Variants in MYOM1 observed in about 807,000 individuals in gnomAD.
MYOM1 encodes the protein myomesin 1.
Under a neutral mutation model 205.3 loss-of-function variants are expected in MYOM1, and 164 were observed. The ratio of observed to expected loss-of-function variants is 0.80; its 90% CI spans 0.70 to 0.91. MYOM1 has a LOEUF of 0.91. Ranked by LOEUF, MYOM1 falls within the 40% of genes least tolerant of loss-of-function variation. The pLI, the probability that MYOM1 is intolerant of heterozygous loss-of-function variation, is 0.00. For synonymous variants in MYOM1, 772 were observed against 789.4 expected, an observed-to-expected ratio of 0.98 and a Z score of 0.37; for missense variants, 2,011 against 2,127.3, an observed-to-expected ratio of 0.95 and a Z score of 1.08.
chr18:3,216,648 G>A (rs2081270769), intron 1 of MYOM1, among the ~76,000 whole-genome samples: 1 of 152,200 alleles, frequency 6.6e-6, no homozygotes, highest in South Asian at 2.1e-4. Flanking sequence ...TGATGTCAAA[G>A]AGGTGAGCTA....
At chr18:3,104,745 CT>C (rs745369627) in intron 22 of MYOM1, among the ~76,000 whole-genome samples, 19 of 80,596 alleles carry the variant, frequency 2.4e-4, no homozygotes, top group East Asian at 1.8e-3. Context: ...GAATTGGAAT[CT>C]TTTTTTTTTT....
At chr18:3,217,483 G>A (rs2081283545) in intron 1 of MYOM1, among the ~76,000 whole-genome samples, 1 of 152,196 alleles carries the variant, frequency 6.6e-6, no homozygotes, top group South Asian at 2.1e-4. Flanking sequence ...CTCTACATCT[G>A]AGATGCCTGT....
In MYOM1 at chr18:3,142,058, T is replaced by C. The variant is rs773535628; in HGVS notation, c.1906A>G (p.Ile636Val). Reference sequence around the variant, plus strand: ...AGGTCTGTCGGGGGGCCAGGCACAATACCCTCTGAAAAACAACAAGGAAAA... The same window carrying C: ...AGGTCTGTCGGGGGGCCAGGCACAACACCCTCTGAAAAACAACAAGGAAAA... ...IVTEEEPSEG[I>V]VPGPPTDLSV... The change falls in exon 14 of 38, where the codon ATT (isoleucine) becomes GTT (valine). Residue 636 changes from isoleucine (I) to valine (V), a missense_variant. Transcript: ENST00000356443. 6.2e-7 allele frequency: 1 copy of C among 1,613,066 alleles called. No individual in the cohort carries two copies. The highest frequency in any genetic ancestry group is 8.5e-7 in the Non-Finnish European group (1 of 1,179,440).
intron 3 of MYOM1, among the ~76,000 whole-genome samples, chr18:3,192,190 A>G (rs2080920278): frequency 6.6e-6 from 1 of 152,116 alleles, no homozygotes; most frequent in African/African-American, 2.4e-5. Context: ...GATTTTTTGA[A>G]ACAGAGTGGG....
In MYOM1 at chr18:3,115,690, C is replaced by T. The variant is rs575180376; in HGVS notation, c.3303+641G>A. On this transcript the variant is annotated intron_variant, in intron 21 of 37. Transcript: ENST00000356443. ...CTAACACTAGCGGAAAATATTCTTT[C>T]GAAATTTCCTTTTGCTACAAATGAG... Among the ~76,000 whole-genome samples, 9 of 152,284 alleles carry T rather than the reference C, an allele frequency of 5.9e-5. No homozygotes were observed. The East Asian group carries it at 1.4e-3, about 23-fold the overall frequency.
At chr18:3,089,648 C>A in intron 27 of MYOM1, 52 bp from the exon 28 acceptor site, 1 of 1,426,882 alleles carries the variant, frequency 7.0e-7, no homozygotes. Context: ...GGTATAAATG[C>A]ACATGTCAGC....
chr18:3,099,747 A>T (rs766635983), intron 25 of MYOM1, among the ~76,000 whole-genome samples: 13 of 152,186 alleles, frequency 8.5e-5, no homozygotes, highest in Non-Finnish European at 1.8e-4. Context: ...TATTGTCTTT[A>T]TTTAGAGGTA....
At position 3,168,872 on chromosome 18, in the gene MYOM1, AAC is replaced by A. The variant is rs751531433; in HGVS notation, c.1282_1283del (p.Val428CysfsTer5). 2 of 1,613,936 alleles carry A rather than the reference AAC, an allele frequency of 1.2e-6. No homozygotes were observed. Among genetic ancestry groups the A allele is most frequent in the South Asian group, 2.2e-5 (2 of 91,078 alleles). On this transcript the variant is annotated frameshift_variant, in exon 9 of 38. Coordinates refer to ENST00000356443, the MANE Select transcript of MYOM1 (RefSeq NM_003803.4). LOFTEE classifies it high-confidence loss of function. ...AATGTTTAATTTCAGGAGTGATGAC[AAC>A]ACGACAGCCTAGACTCATTGTCTCT... ...EGETMSLGCR[V>X]VITPEIKHFQ...
intron 19 of MYOM1, among the ~76,000 whole-genome samples, chr18:3,122,342 C>G (rs1251518296): frequency 6.6e-6 from 1 of 152,034 alleles, no homozygotes; most frequent in African/African-American, 2.4e-5. Context: ...ACATACCATG[C>G]AAAAGTCACC....
rs1457154292 is a variant in MYOM1 at position 3,094,314 on chromosome 18, AAG to A, written c.3728-10_3728-9del. The A allele has an allele frequency of 6.8e-6, 11 of 1,606,734 alleles. No individual in the cohort carries two copies. The highest frequency in any genetic ancestry group is 7.6e-6 in the Non-Finnish European group (9 of 1,176,556). On this transcript the variant is annotated splice_polypyrimidine_tract_variant and intron_variant, in intron 25 of 37. Transcript: ENST00000356443. ...CTGATTTAACTGGGACAGCTATGAA[AAG>A]TAAAAATAAACACAGTAATTATATT...
rs191893792 is a variant in MYOM1, at chr18:3,165,844, C to T, written c.1340-1405G>A. Among the ~76,000 whole-genome samples, 9 of 152,314 alleles carry T rather than the reference C, an allele frequency of 5.9e-5. No individual in the cohort carries two copies. The East Asian group carries it at 1.7e-3, about 29-fold the overall frequency. ...ATCACCACTGCTACTGCTGCTGGTG[C>T]CACCACCATTGCTAATTCCAGTCTG... On this transcript the variant is annotated intron_variant, in intron 9 of 37. Coordinates refer to ENST00000356443, the MANE Select transcript of MYOM1 (RefSeq NM_003803.4).
chr18:3,134,647 T>A lies in MYOM1; in HGVS notation c.2384+3A>T, dbSNP rs1273584928. The stretch of plus-strand genomic sequence containing the variant: ...GCCCGCCCTGCACACCCGACTGAGT[T>A]ACCGTGAGCCCTTCACGGGGTTGTT... On this transcript the variant is annotated splice_donor_region_variant and intron_variant, in intron 16 of 37. Coordinates refer to ENST00000356443, the MANE Select transcript of MYOM1 (RefSeq NM_003803.4). 6.2e-7 allele frequency: 1 copy of A among 1,608,208 alleles called. No homozygotes were observed. Among genetic ancestry groups the A allele is most frequent in the Admixed American group, 1.7e-5 (1 of 59,830 alleles).
chr18:3,233,091 T>C, the MYOM1 span, among the ~76,000 whole-genome samples: 1 of 152,356 alleles, frequency 6.6e-6, no homozygotes, highest in South Asian at 2.1e-4. Context: ...TGCATTGTTC[T>C]CCCCTGCCTT....
chr18:3,168,916 AC>A lies in MYOM1; in HGVS notation c.1239del (p.Ser414LeufsTer9). 1 of 1,613,838 alleles carries A rather than the reference AC, an allele frequency of 6.2e-7. No individual in the cohort carries two copies. The highest frequency in any genetic ancestry group is 8.5e-7 in the Non-Finnish European group (1 of 1,179,830). On this transcript the variant is annotated frameshift_variant, in exon 9 of 38. Coordinates refer to ENST00000356443, the MANE Select transcript of MYOM1 (RefSeq NM_003803.4). LOFTEE classifies it high-confidence loss of function. ...FEIHFDDKFDVSFGREGETMS... is the reference protein window; with the variant it reads ...FEIHFDDKFDXSFGREGETMS... ...ATTGTCTCTCCCTCTCTCCCAAAAGACACATCAAATTTGTCATCAAAGTGGA... is the reference window on the plus strand; with the variant it reads ...ATTGTCTCTCCCTCTCTCCCAAAAGAACATCAAATTTGTCATCAAAGTGGA...
chr18:3,220,074 A>T (rs1459636408), upstream of MYOM1: 1 of 152,288 alleles, frequency 6.6e-6, no homozygotes, highest in Non-Finnish European at 1.5e-5. Flanking sequence ...GGGCATGGGC[A>T]GGTAGCAGCC....
chr18:3,121,857 G>A (rs982617598), intron 19 of MYOM1, among the ~76,000 whole-genome samples: 12 of 152,280 alleles, frequency 7.9e-5, no homozygotes, highest in Middle Eastern at 3.4e-3. Flanking sequence ...GGTGTCTGAC[G>A]CCTGTAATCC....
At chr18:3,224,245 C>A (rs1333907765), upstream of MYOM1, among the ~76,000 whole-genome samples, 2 of 152,146 alleles carry the variant, frequency 1.3e-5, no homozygotes, top group Non-Finnish European at 2.9e-5. Context: ...TGGCCTCGAA[C>A]TTCTGACCTC....
At chr18:3,078,422 TA>T in intron 34 of MYOM1, among the ~76,000 whole-genome samples, 2 of 36,460 alleles carry the variant, frequency 5.5e-5, no homozygotes, top group Non-Finnish European at 1.9e-4. Flanking sequence ...TAGACTATTT[TA>T]TTTTATTTAT....
At chr18:3,187,664 A>C in intron 4 of MYOM1, 27 bp from the exon 5 acceptor site, 1 of 1,551,414 alleles carries the variant, frequency 6.4e-7, no homozygotes, top group Non-Finnish European at 8.8e-7. Flanking sequence ...GCAAACAAAC[A>C]TATTACCAAA....
Sources: allele counts gnomAD v4.1 joint callset (sites outside exome capture counted in the v4.1 genomes callset), GRCh38; gene constraint gnomAD v4.1.1; transcripts MANE v1.5; gene names NCBI Gene and HGNC (gene_info 2026-07-23, HGNC 2026-07-21).